The following FMN1 variants were observed in gnomAD, a reference collection of about 807,000 sequenced individuals.
FMN1 encodes the protein formin-1.
A neutral mutation model predicts 132.4 loss-of-function variants in FMN1; 110 were observed. The ratio of observed to expected loss-of-function variants is 0.83; its 90% confidence interval spans 0.71 to 0.97. FMN1 has a LOEUF of 0.97. Ranked by LOEUF, FMN1 falls within the 50% of genes least tolerant of loss-of-function variation. The probability of loss-of-function intolerance (pLI) is 0.00; values close to 1 mark genes in which losing one functional copy is unlikely to be tolerated. For missense variants in FMN1, 1,792 were observed against 1,705.3 expected (o/e 1.05, Z -0.90); for synonymous variants, 722 against 651.7 (o/e 1.11, Z -1.64).
intron 20 of FMN1, among the ~76,000 whole-genome samples, chr15:32,774,661 C>T (rs1213531078): frequency 6.6e-6 from 1 of 152,064 alleles, no homozygotes; most frequent in African/African-American, 2.4e-5. Flanking sequence ...GACAAAGACC[C>T]TAACTTTGTA....
At chr15:32,908,990 G>A (rs1400076045) in intron 11 of FMN1, among the ~76,000 whole-genome samples, 1 of 152,108 alleles carries the variant, frequency 6.6e-6, no homozygotes, top group Non-Finnish European at 1.5e-5. Flanking sequence ...ATATGAACTC[G>A]CAGCTCTTTC....
At chr15:33,010,781 A>G (rs2034671495) in intron 6 of FMN1, among the ~76,000 whole-genome samples, 1 of 152,150 alleles carries the variant, frequency 6.6e-6, no homozygotes, top group Non-Finnish European at 1.5e-5. Flanking sequence ...AGCAGTTTAA[A>G]AAAGAAAAGC....
intron 5 of FMN1, among the ~76,000 whole-genome samples, chr15:33,073,467 ATAAG>A (rs981853205): frequency 4.8e-4 from 73 of 152,326 alleles, no homozygotes; most frequent in Non-Finnish European, 3.2e-4. Flanking sequence ...ACTGGGAAAA[ATAAG>A]TAAGTTCTGA....
chr15:33,079,606 G>A (rs1326863766), intron 5 of FMN1, among the ~76,000 whole-genome samples: 2 of 152,258 alleles, frequency 1.3e-5, no homozygotes, highest in Non-Finnish European at 2.9e-5. Context: ...CTCGGTGACA[G>A]AGCGAGACTC....
intron 4 of FMN1, among the ~76,000 whole-genome samples, chr15:33,118,464 A>T (rs1241008486): frequency 6.6e-6 from 1 of 152,194 alleles, no homozygotes; most frequent in Non-Finnish European, 1.5e-5. Flanking sequence ...AAAGTAAAAA[A>T]TGTCAATTTC....
intron 7 of FMN1, among the ~76,000 whole-genome samples, chr15:33,006,362 G>C (rs2034415136): frequency 6.6e-6 from 1 of 152,032 alleles, no homozygotes; most frequent in Non-Finnish European, 1.5e-5. Context: ...ACAACTGTTA[G>C]AATCGCTATT....
rs993558537 is a variant in FMN1 at position 33,078,645 on chromosome 15, A to AAC, written c.2043+10153_2043+10154insGT. Among the ~76,000 whole-genome samples the AAC allele has an allele frequency of 4.7e-3, 313 of 66,118 alleles. 1 individual carries two copies. Among genetic ancestry groups the AAC allele is most frequent in the African/African-American group, 0.016 (306 of 18,556 alleles). 43.4% of individuals were successfully genotyped at this position (66,118 alleles called of 152,430 possible). A position where few individuals can be genotyped will look rare whatever the true frequency, so the allele number is the denominator to read the frequency against. On this transcript the variant is annotated intron_variant, in intron 5 of 20. Coordinates refer to ENST00000616417, the MANE Select transcript of FMN1 (RefSeq NM_001277313.2). Reference sequence around the variant, plus strand: ...AAATCTGTAAAATCCAAAAGGCAACAAAAAAAAAAAAACAACTGGGCCATA... The same window carrying AAC: ...AAATCTGTAAAATCCAAAAGGCAACAACAAAAAAAAAAAACAACTGGGCCATA...
At chr15:33,105,204 T>C (rs2039439019) in intron 4 of FMN1, among the ~76,000 whole-genome samples, 1 of 152,268 alleles carries the variant, frequency 6.6e-6, no homozygotes, top group East Asian at 1.9e-4. Flanking sequence ...CATTACTAAA[T>C]GGAGCTATGT....
chr15:32,967,537 C>T (rs1424866854), intron 8 of FMN1, among the ~76,000 whole-genome samples: 2 of 152,166 alleles, frequency 1.3e-5, no homozygotes, highest in Non-Finnish European at 2.9e-5. Context: ...AATACTAGTA[C>T]TTTAGTTAAT....
rs1218866973 is a variant in FMN1 at position 32,770,503 on chromosome 15, A to G, written c.*3807T>C. 6.6e-6 allele frequency: 1 copy of G among 152,140 alleles called. No individual in the cohort carries two copies. Among genetic ancestry groups the G allele is most frequent in the Non-Finnish European group, 1.5e-5 (1 of 68,030 alleles). 9.4% of individuals were successfully genotyped at this position (152,140 alleles called of 1,614,324 possible). A position where few individuals can be genotyped will look rare whatever the true frequency, so the allele number is the denominator to read the frequency against. On this transcript the variant is annotated 3_prime_UTR_variant, in exon 21 of 21. Transcript: ENST00000616417. ...ACATCTCACTGCGGCCCTTAGAAAA[A>G]CCGTACCAATGACTTATCTTACTGG...
At chr15:33,137,519 T>G (rs892006478) in intron 4 of FMN1, among the ~76,000 whole-genome samples, 1 of 152,268 alleles carries the variant, frequency 6.6e-6, no homozygotes, top group Admixed American at 6.5e-5. Context: ...AGCCCCAGAT[T>G]AATGAGCTCA....
At chr15:33,068,079 G>C in intron 5 of FMN1, 1 of 1,375,602 alleles carries the variant, frequency 7.3e-7, no homozygotes, top group Non-Finnish European at 9.4e-7. Flanking sequence ...GCGATGATGT[G>C]TTCCAGGGCA....
At chr15:33,133,538 A>G (rs1005463489) in intron 4 of FMN1, among the ~76,000 whole-genome samples, 3 of 152,200 alleles carry the variant, frequency 2.0e-5, no homozygotes, top group African/African-American at 7.2e-5. Flanking sequence ...TACTTGACCT[A>G]AGGAAAGTCA....
chr15:32,816,007 A>G (rs1388550500), intron 17 of FMN1, among the ~76,000 whole-genome samples: 1 of 152,254 alleles, frequency 6.6e-6, no homozygotes, highest in African/African-American at 2.4e-5. Context: ...AGTAATTAAA[A>G]GAGATGTTTG....
At chr15:32,894,832 A>AT (rs2060115857) in intron 15 of FMN1, among the ~76,000 whole-genome samples, 1 of 104,088 alleles carries the variant, frequency 9.6e-6, no homozygotes, top group East Asian at 2.8e-4. Context: ...ATTTTAATGT[A>AT]TTTTTTTCAG....
At chr15:33,068,534 T>C (rs2141265140) in intron 5 of FMN1, among the ~76,000 whole-genome samples, 1 of 152,258 alleles carries the variant, frequency 6.6e-6, no homozygotes, top group East Asian at 1.9e-4. Flanking sequence ...AGCAGCCACT[T>C]ACGAAGCCGC....
intron 4 of FMN1, chr15:33,150,908 T>C: frequency 9.8e-7 from 1 of 1,016,334 alleles, no homozygotes; most frequent in Non-Finnish European, 1.2e-6. Flanking sequence ...AAATGAATTA[T>C]TCACCCCTCT....
chr15:32,926,212 A>G lies in FMN1; in HGVS notation c.3188T>C (p.Ile1063Thr), dbSNP rs763309376. Residue 1063 changes from isoleucine (I) to threonine (T), a missense_variant, in exon 10 of 21, where the codon ATA becomes ACA. Physicochemically the swap from Ile to Thr is moderately conservative, Grantham distance 89. Transcript: ENST00000616417. The part of the protein sequence containing the change: ...GKRSQTVGIL[I>T]SSLHLEMKDI... The stretch of plus-strand genomic sequence containing the variant: ...CTTCATTTCTAAATGTAAACTAGAT[A>G]TCAAGATTCCCACAGTTTGAGATCG... 2.6e-6 allele frequency: 4 copies of G among 1,565,488 alleles called. No individual in the cohort carries two copies. The South Asian group carries it at 4.8e-5, about 19-fold the overall frequency.
intron 16 of FMN1, among the ~76,000 whole-genome samples, chr15:32,883,749 T>C (rs768562598): frequency 1.3e-5 from 2 of 152,028 alleles, no homozygotes; most frequent in Non-Finnish European, 2.9e-5. Context: ...TATTACTAAG[T>C]AGACAATGAA....
Sources: allele counts gnomAD v4.1 joint callset (sites outside exome capture counted in the v4.1 genomes callset), GRCh38; gene constraint gnomAD v4.1.1; transcripts MANE v1.5; gene names NCBI Gene and HGNC (gene_info 2026-07-23, HGNC 2026-07-21).